Variants in KCNQ5 observed in about 807,000 individuals in gnomAD.
KCNQ5 encodes the protein potassium voltage-gated channel subfamily Q member 5, also known as potassium voltage-gated channel subfamily KQT member 5.
KCNQ5 carries 30 observed loss-of-function variants against 98.2 expected under a neutral mutation model. The ratio of observed to expected loss-of-function variants is 0.31; its 90% CI spans 0.23 to 0.41. The LOEUF is 0.41. KCNQ5 is among the 10% of genes least tolerant of loss of function. The probability of loss-of-function intolerance (pLI) is 1.00; values close to 1 mark genes in which losing one functional copy is unlikely to be tolerated. For synonymous variants in KCNQ5, 458 were observed against 449.4 expected (o/e 1.02, Z -0.24); for missense variants, 835 against 1,182.5 (o/e 0.71, Z 4.31).
intron 1 of KCNQ5, among the ~76,000 whole-genome samples, chr6:72,770,989 C>T (rs1257334592): frequency 1.3e-5 from 2 of 152,052 alleles, no homozygotes; most frequent in African/African-American, 4.8e-5. Context: ...AAGGGACCCT[C>T]GATCTAGAAG....
chr6:72,799,696 G>A (rs949347000), intron 1 of KCNQ5, among the ~76,000 whole-genome samples: 1 of 152,180 alleles, frequency 6.6e-6, no homozygotes, highest in African/African-American at 2.4e-5. Context: ...CACTGAAACT[G>A]GTTCTTGGCA....
intron 1 of KCNQ5, among the ~76,000 whole-genome samples, chr6:72,639,401 G>A (rs927051035): frequency 2.0e-5 from 3 of 152,160 alleles, no homozygotes; most frequent in African/African-American, 7.2e-5. Context: ...CATGTGCAGT[G>A]CCATGTGTTA....
intron 1 of KCNQ5, among the ~76,000 whole-genome samples, chr6:72,884,498 G>C (rs975280417): frequency 6.6e-6 from 1 of 152,172 alleles, no homozygotes; most frequent in African/African-American, 2.4e-5. Flanking sequence ...TATGCATAGA[G>C]GGTCCGTCCT....
chr6:72,781,589 T>C (rs552495235), intron 1 of KCNQ5, among the ~76,000 whole-genome samples: 1 of 152,198 alleles, frequency 6.6e-6, no homozygotes, highest in Non-Finnish European at 1.5e-5. Context: ...ATTAATCTCA[T>C]TTGGATTCCC....
intron 2 of KCNQ5, among the ~76,000 whole-genome samples, chr6:73,021,494 A>G (rs2150339459): frequency 6.6e-6 from 1 of 152,248 alleles, no homozygotes; most frequent in Non-Finnish European, 1.5e-5. Context: ...ATTGTCTTTC[A>G]TTATTGGTTT....
intron 1 of KCNQ5, among the ~76,000 whole-genome samples, chr6:72,719,719 T>C (rs1582166284): frequency 6.6e-6 from 1 of 152,138 alleles, no homozygotes; most frequent in East Asian, 1.9e-4. Flanking sequence ...GCCTCTCTGG[T>C]AACTCCTTTG....
chr6:72,630,608 C>G (rs1565042985), intron 1 of KCNQ5: 1 of 151,624 alleles, frequency 6.6e-6, no homozygotes, highest in Non-Finnish European at 1.5e-5. Flanking sequence ...GTTTCTTAAT[C>G]TATAAAATAT....
At chr6:72,904,754 C>T (rs1779635472) in intron 1 of KCNQ5, among the ~76,000 whole-genome samples, 1 of 152,116 alleles carries the variant, frequency 6.6e-6, no homozygotes, top group African/African-American at 2.4e-5. Context: ...AATAGGTTTT[C>T]CTTTATAGGT....
rs1212359063 is a variant in KCNQ5 at position 73,196,589 on chromosome 6, G to A, written c.*1175G>A. 6.6e-6 allele frequency: 1 copy of A among 152,130 alleles called. No homozygotes were observed. Among genetic ancestry groups the A allele is most frequent in the Non-Finnish European group, 1.5e-5 (1 of 68,038 alleles). The allele number at this position is 152,130 out of a possible 1,614,324, so 9.4% of individuals were successfully genotyped here. ...AGGTATTTATTTTTTAATATGCCCT[G>A]AATGTCTTTTGCTATTATGTGTACA... is the stretch of plus-strand genomic sequence containing the variant. On this transcript the variant is annotated 3_prime_UTR_variant, in exon 14 of 14. Transcript: ENST00000370398.
chr6:72,870,711 T>C (rs1255579484), intron 1 of KCNQ5, among the ~76,000 whole-genome samples: 1 of 152,230 alleles, frequency 6.6e-6, no homozygotes, highest in East Asian at 1.9e-4. Flanking sequence ...AAAAATTACT[T>C]ATTTGAATGC....
At chr6:72,734,912 A>G (rs1770751044) in intron 1 of KCNQ5, among the ~76,000 whole-genome samples, 1 of 152,178 alleles carries the variant, frequency 6.6e-6, no homozygotes, top group Non-Finnish European at 1.5e-5. Flanking sequence ...TCTTTATTTT[A>G]ATCTAATTTT....
intron 1 of KCNQ5, among the ~76,000 whole-genome samples, chr6:72,912,578 G>A (rs1332959475): frequency 6.6e-6 from 1 of 152,068 alleles, no homozygotes; most frequent in Non-Finnish European, 1.5e-5. Flanking sequence ...GGTGACCATG[G>A]GCAAATTGTC....
Position 73,192,665 on chromosome 6 carries a change from G to A in KCNQ5, c.1810G>A (p.Gly604Ser), listed in dbSNP as rs541012691. Residue 604 changes from glycine (G) to serine (S), a missense_variant, in exon 13 of 14, where the codon GGT becomes AGT. Around this residue, in one of 10 missense-constraint regions of KCNQ5, gnomAD observed 416 missense variants for 446.9 expected, o/e 0.93. Transcript: ENST00000370398. ...HETTDDLSML[G>S]RVVKVEKQVQ... is the part of the protein sequence containing the mutation. ...GACCACAGACGATCTCAGTATGCTC[G>A]GTCGGGTGGTCAAGGTTGAAAAACA... The A allele has an allele frequency of 3.1e-6, 5 of 1,599,666 alleles. No homozygotes were observed. Among genetic ancestry groups the A allele is most frequent in the Admixed American group, 1.7e-5 (1 of 58,214 alleles).
intron 2 of KCNQ5, among the ~76,000 whole-genome samples, chr6:73,028,016 T>A (rs1295413338): frequency 6.6e-6 from 1 of 152,212 alleles, no homozygotes; most frequent in Non-Finnish European, 1.5e-5. Context: ...CTAGATACTC[T>A]TTATTATGGG....
At chr6:72,706,400 C>A (rs1769083132) in intron 1 of KCNQ5, among the ~76,000 whole-genome samples, 1 of 151,248 alleles carries the variant, frequency 6.6e-6, no homozygotes, top group Non-Finnish European at 1.5e-5. Flanking sequence ...TGCTTATGGC[C>A]CTGTGGTGGG....
intron 1 of KCNQ5, among the ~76,000 whole-genome samples, chr6:72,957,969 A>G (rs1409302064): frequency 6.6e-6 from 1 of 152,210 alleles, no homozygotes; most frequent in East Asian, 1.9e-4. Context: ...CCTCCTTCAG[A>G]ATGACTACAT....
At chr6:73,044,882 A>T (rs1303510670) in intron 3 of KCNQ5, among the ~76,000 whole-genome samples, 1 of 152,226 alleles carries the variant, frequency 6.6e-6, no homozygotes, top group Non-Finnish European at 1.5e-5. Context: ...TTCCAAGTAC[A>T]CACCCAAATA....
chr6:72,642,350 T>G (rs1765363961), intron 1 of KCNQ5, among the ~76,000 whole-genome samples: 1 of 152,016 alleles, frequency 6.6e-6, no homozygotes, highest in African/African-American at 2.4e-5. Flanking sequence ...TTTTAAGTTC[T>G]GGGGTACATG....
At chr6:73,059,466 C>T (rs1469263439) in intron 3 of KCNQ5, among the ~76,000 whole-genome samples, 1 of 152,094 alleles carries the variant, frequency 6.6e-6, no homozygotes, top group Non-Finnish European at 1.5e-5. Flanking sequence ...AGGTACTATG[C>T]TTTTTACCTG....
Sources: gnomAD v4.1 joint callset for allele counts (sites outside exome capture counted in the v4.1 genomes callset) on GRCh38, gnomAD v4.1.1 for gene constraint, gnomAD v4.1.1 regional missense constraint, MANE v1.5 for transcripts, NCBI Gene and HGNC (gene_info 2026-07-23, HGNC 2026-07-21) for gene names.